Variants in CFAP418 observed in about 807,000 individuals in gnomAD.
CFAP418 encodes cilia and flagella associated protein 418.
In CFAP418, 27 loss-of-function variants were observed where a neutral mutation model predicts 24.7. The ratio of observed to expected loss-of-function variants is 1.09; its 90% CI spans 0.81 to 1.51. The LOEUF (loss-of-function observed/expected upper bound fraction) is 1.51, where lower values mean the gene tolerates loss of function less well. Ranked by LOEUF, CFAP418 falls within the 40% of genes most tolerant of loss-of-function variation. CFAP418 has a pLI of 0.00. For missense variants in CFAP418, 257 were observed against 255.2 expected (o/e 1.01, Z -0.05); for synonymous variants, 74 against 87.3 (o/e 0.85, Z 0.85).
At chr8:95,265,987 A>C (rs189588094) in intron 1 of CFAP418, among the ~76,000 whole-genome samples, 13 of 152,332 alleles carry the variant, frequency 8.5e-5, no homozygotes, top group African/African-American at 2.2e-4. Flanking sequence ...CATATATTTA[A>C]GATAAAATAT....
rs1026201093 is a variant in CFAP418, at chr8:95,247,281, C to T, written c.*336G>A. On this transcript the variant is annotated 3_prime_UTR_variant, in exon 6 of 6. Coordinates refer to ENST00000286688, the MANE Select transcript of CFAP418 (RefSeq NM_177965.4). ...ACAAGTTGGGGAATGATTTGCTAAA[C>T]GTATTAGCAATCAATATTGCAGTTG... is the stretch of plus-strand genomic sequence containing the variant. The T allele has an allele frequency of 7.3e-5, 17 of 232,648 alleles. No individual in the cohort carries two copies. Among genetic ancestry groups the T allele is most frequent in the East Asian group, 1.2e-4 (1 of 8,430 alleles). The allele number at this position is 232,648 out of a possible 1,614,324, so 14.4% of individuals were successfully genotyped here.
chr8:95,258,341 C>G (rs1479697382), intron 4 of CFAP418, among the ~76,000 whole-genome samples: 1 of 135,700 alleles, frequency 7.4e-6, no homozygotes, highest in Non-Finnish European at 1.5e-5. Context: ...GAGACTGCGC[C>G]ACTGCACTCC....
At chr8:95,249,189 G>T (rs577841587) in intron 5 of CFAP418, among the ~76,000 whole-genome samples, 2 of 152,348 alleles carry the variant, frequency 1.3e-5, no homozygotes, top group South Asian at 4.1e-4. Context: ...TAGGAATCAT[G>T]AATAGGCAGG....
intron 4 of CFAP418, among the ~76,000 whole-genome samples, chr8:95,258,723 T>G (rs1383414726): frequency 6.6e-6 from 1 of 152,226 alleles, no homozygotes; most frequent in Non-Finnish European, 1.5e-5. Flanking sequence ...CCATGCTAAG[T>G]GCCCTATACA....
At chr8:95,258,343 CTGCACTCCAGCCTGGGCGACAGAG>C (rs1811827383) in intron 4 of CFAP418, among the ~76,000 whole-genome samples, 1 of 135,772 alleles carries the variant, frequency 7.4e-6, no homozygotes, top group Admixed American at 8.0e-5. Context: ...GACTGCGCCA[CTGCACTCCAGCCTGGGCGACAGAG>C]CGAGACTCTG....
intron 4 of CFAP418, 49 bp downstream of exon 4, chr8:95,259,791 A>G (rs1449260584): frequency 7.1e-7 from 1 of 1,400,400 alleles, no homozygotes; most frequent in Non-Finnish European, 1.0e-6. Context: ...TGGGGCATCC[A>G]TTTGGAAAAA....
intron 1 of CFAP418, 169 bp downstream of exon 1, chr8:95,268,866 G>A: frequency 1.4e-6 from 1 of 706,756 alleles, no homozygotes; most frequent in South Asian, 1.9e-5. Flanking sequence ...CGCGAAGAGG[G>A]TCGACGAATG....
intron 1 of CFAP418, among the ~76,000 whole-genome samples, chr8:95,268,216 G>A (rs982075656): frequency 1.6e-4 from 24 of 152,214 alleles, no homozygotes; most frequent in African/African-American, 5.8e-4. Flanking sequence ...GGGAGGCAGA[G>A]GCGGGAGGAC....
At chr8:95,262,082 C>A (rs2068045865) in intron 2 of CFAP418, among the ~76,000 whole-genome samples, 1 of 152,144 alleles carries the variant, frequency 6.6e-6, no homozygotes, top group South Asian at 2.1e-4. Context: ...TCCAACCAAA[C>A]AAGGATCAAA....
chr8:95,267,805 T>C (rs1202946920), intron 1 of CFAP418, among the ~76,000 whole-genome samples: 2 of 151,930 alleles, frequency 1.3e-5, no homozygotes, highest in Non-Finnish European at 2.9e-5. Context: ...CAAAATATTC[T>C]AGGCAAGAGG....
chr8:95,249,664 A>C (rs1811679445), intron 5 of CFAP418, among the ~76,000 whole-genome samples: 1 of 152,184 alleles, frequency 6.6e-6, no homozygotes, highest in Non-Finnish European at 1.5e-5. Flanking sequence ...CAGAAAAAAA[A>C]AAAAAGTTCT....
intron 4 of CFAP418, among the ~76,000 whole-genome samples, chr8:95,255,661 T>A (rs777032732): frequency 7.9e-5 from 12 of 152,242 alleles, no homozygotes; most frequent in Non-Finnish European, 1.8e-4. Context: ...CAAAATTTGT[T>A]CATTTAATCC....
intron 2 of CFAP418, 58 bp downstream of exon 2, chr8:95,263,624 ACTATT>A: frequency 9.8e-7 from 1 of 1,021,296 alleles, no homozygotes; most frequent in Non-Finnish European, 1.5e-6. Flanking sequence ...CATCTTTAAG[ACTATT>A]CTAAACATGT....
chr8:95,262,858 T>TA (rs199657636), intron 2 of CFAP418, among the ~76,000 whole-genome samples: 1 of 151,838 alleles, frequency 6.6e-6, no homozygotes, highest in East Asian at 1.9e-4. Context: ...TTTCTCCGAT[T>TA]AAAAAAAAGG....
At chr8:95,264,806 T>C (rs1811949367) in intron 1 of CFAP418, among the ~76,000 whole-genome samples, 1 of 152,230 alleles carries the variant, frequency 6.6e-6, no homozygotes, top group Non-Finnish European at 1.5e-5. Context: ...GGCTGCCTAC[T>C]ACCTAATGGT....
chr8:95,257,984 C>T (rs1225449358), intron 4 of CFAP418, among the ~76,000 whole-genome samples: 3 of 152,076 alleles, frequency 2.0e-5, no homozygotes, highest in South Asian at 2.1e-4. Context: ...CTTCCTGTGG[C>T]GCAAGATGTG....
chr8:95,247,577 C>T lies in CFAP418; in HGVS notation c.*40G>A. On this transcript the variant is annotated 3_prime_UTR_variant, in exon 6 of 6. Coordinates refer to ENST00000286688, the MANE Select transcript of CFAP418 (RefSeq NM_177965.4). Reference sequence around the variant, plus strand: ...ACATGATGATGATTCATGGAGACCACTCTCATGGATGCATCTGTCCGAATG... The same window carrying T: ...ACATGATGATGATTCATGGAGACCATTCTCATGGATGCATCTGTCCGAATG... The T allele has an allele frequency of 6.2e-7, 1 of 1,609,556 alleles. No homozygotes were observed. Among genetic ancestry groups the T allele is most frequent in the South Asian group, 1.1e-5 (1 of 90,952 alleles).
intron 1 of CFAP418, among the ~76,000 whole-genome samples, chr8:95,268,268 T>G (rs62524392): frequency 0.16 from 24,292 of 152,032 alleles, 2,107 homozygotes; most frequent in South Asian, 0.25. Context: ...GCCAACACAG[T>G]GAGACTGTCT....
intron 4 of CFAP418, among the ~76,000 whole-genome samples, chr8:95,252,612 T>C (rs1295862246): frequency 6.6e-6 from 1 of 152,256 alleles, no homozygotes; most frequent in East Asian, 1.9e-4. Flanking sequence ...GATCGTCATA[T>C]AAGCTAACTT....
Sources: allele counts gnomAD v4.1 joint callset (sites outside exome capture counted in the v4.1 genomes callset), GRCh38; gene constraint gnomAD v4.1.1; transcripts MANE v1.5; gene names NCBI Gene and HGNC (gene_info 2026-07-23, HGNC 2026-07-21).